Variants in SORCS1 observed in about 807,000 individuals in gnomAD.
SORCS1 encodes the protein VPS10 domain-containing receptor SorCS1.
In SORCS1, 60 loss-of-function variants were observed where a neutral mutation model predicts 146.1. The observed-to-expected ratio is 0.41, with a 90% CI of 0.33 to 0.51. SORCS1 has a LOEUF of 0.51. Among genes scored for constraint, SORCS1 ranks in the 20% least tolerant of loss-of-function variants. The pLI, the probability that SORCS1 is intolerant of heterozygous loss-of-function variation, is 0.21. For missense variants in SORCS1, 1,352 were observed against 1,487.6 expected (o/e 0.91, Z 1.50); for synonymous variants, 637 against 584.0 (o/e 1.09, Z -1.31).
intron 1 of SORCS1, among the ~76,000 whole-genome samples, chr10:107,122,965 G>T (rs1032525089): frequency 6.6e-6 from 1 of 151,784 alleles, no homozygotes; most frequent in Non-Finnish European, 1.5e-5. Flanking sequence ...TCCCAGGGAG[G>T]CTTTCTTTCA....
At position 106,788,544 on chromosome 10, in the gene SORCS1, C is replaced by T. The variant is rs140514615; in HGVS notation, c.727-11852G>A. 1.1e-4 allele frequency among the ~76,000 whole-genome samples: 17 copies of T among 152,312 alleles called. No homozygotes were observed. In the East Asian group the frequency reaches 3.1e-3, roughly 28 times the overall value. On this transcript the variant is annotated intron_variant, in intron 3 of 25. Coordinates refer to ENST00000263054, the MANE Select transcript of SORCS1 (RefSeq NM_052918.5). ...GGAGAAATTGGCCAAAACAAAGGGG[C>T]TACAGGTCCCACACAAGTCTGAAAT...
At chr10:106,996,795 C>T (rs866253644) in intron 1 of SORCS1, among the ~76,000 whole-genome samples, 3 of 152,086 alleles carry the variant, frequency 2.0e-5, no homozygotes, top group Admixed American at 2.0e-4. Context: ...ATGAGACAGC[C>T]CAATTTGTAA....
chr10:106,872,443 A>C (rs957763450), intron 2 of SORCS1, among the ~76,000 whole-genome samples: 1 of 152,222 alleles, frequency 6.6e-6, no homozygotes, highest in Non-Finnish European at 1.5e-5. Flanking sequence ...CCTAAACCAC[A>C]ATAAGCCTTG....
At chr10:107,124,634 A>C (rs1282213445) in intron 1 of SORCS1, among the ~76,000 whole-genome samples, 3 of 152,260 alleles carry the variant, frequency 2.0e-5, no homozygotes, top group Middle Eastern at 6.8e-3. Context: ...GTGGGGCAGC[A>C]CAAAAAAAGA....
chr10:106,675,191 C>T (rs369521512), intron 13 of SORCS1, 35 bp from the exon 14 acceptor site: 55 of 1,459,102 alleles, frequency 3.8e-5, no homozygotes, highest in Non-Finnish European at 5.0e-5. Flanking sequence ...ATCAGATCTC[C>T]AAAGGAAAAA....
intron 5 of SORCS1, among the ~76,000 whole-genome samples, chr10:106,746,982 A>C (rs939744582): frequency 6.6e-6 from 1 of 152,220 alleles, no homozygotes; most frequent in East Asian, 1.9e-4. Context: ...ATATTCTAAC[A>C]GGTTTCATCC....
intron 2 of SORCS1, among the ~76,000 whole-genome samples, chr10:106,906,686 T>C (rs1410438457): frequency 6.6e-6 from 1 of 152,294 alleles, no homozygotes; most frequent in African/African-American, 2.4e-5. Context: ...ACAATTCCAG[T>C]TGGGATCTGG....
chr10:106,684,714 G>GA (rs1171449694), intron 10 of SORCS1, among the ~76,000 whole-genome samples: 1 of 152,166 alleles, frequency 6.6e-6, no homozygotes, highest in Non-Finnish European at 1.5e-5. Flanking sequence ...CAGCCCTGCT[G>GA]AAAAAATCTC....
intron 1 of SORCS1, among the ~76,000 whole-genome samples, chr10:107,035,452 A>G (rs796228364): frequency 3.3e-5 from 5 of 152,264 alleles, no homozygotes; most frequent in African/African-American, 1.2e-4. Flanking sequence ...CCATTCAAGC[A>G]ACGCCATACC....
At chr10:106,816,303 G>T (rs1222022361) in intron 3 of SORCS1, among the ~76,000 whole-genome samples, 1 of 152,174 alleles carries the variant, frequency 6.6e-6, no homozygotes, top group East Asian at 1.9e-4. Flanking sequence ...AGACAAACTA[G>T]TTCTGGCTCC....
intron 5 of SORCS1, among the ~76,000 whole-genome samples, chr10:106,760,694 AACACACACACACACTAAC>A (rs1859028783): frequency 7.4e-6 from 1 of 134,610 alleles, no homozygotes; most frequent in Admixed American, 7.3e-5. Context: ...CATACACACA[AACACACACACACACTAAC>A]ACACACACAC....
At position 106,619,169 on chromosome 10, in the gene SORCS1, A is replaced by G. The variant is rs146201521; in HGVS notation, c.2797-897T>C. The stretch of plus-strand genomic sequence containing the variant: ...AAAAATAAAAAACAATAGGGGGTAC[A>G]AAAGGAAGTTGTTCAGTACATTCAC... On this transcript the variant is annotated intron_variant, in intron 20 of 25. Coordinates refer to ENST00000263054, the MANE Select transcript of SORCS1 (RefSeq NM_052918.5). Among the ~76,000 whole-genome samples, 283 of 152,346 alleles carry G rather than the reference A, an allele frequency of 1.9e-3. 2 individuals carry two copies. The highest frequency in any genetic ancestry group is 3.4e-3 in the Middle Eastern group (1 of 294).
chr10:106,594,303 A>G (rs1845781576), intron 24 of SORCS1, among the ~76,000 whole-genome samples: 2 of 152,296 alleles, frequency 1.3e-5, no homozygotes, highest in South Asian at 4.2e-4. Context: ...CGGTTAACAT[A>G]TCAATCTTTT....
intron 24 of SORCS1, among the ~76,000 whole-genome samples, chr10:106,591,849 C>T (rs898562917): frequency 2.6e-5 from 4 of 152,068 alleles, no homozygotes; most frequent in African/African-American, 9.7e-5. Flanking sequence ...CCTTAAAGTA[C>T]AGGTGGACAA....
rs531426797 is a variant in SORCS1 at position 106,839,870 on chromosome 10, T to C, written c.627-10197A>G. On this transcript the variant is annotated intron_variant, in intron 2 of 25. Transcript: ENST00000263054. ...GTGCTCTATACATGCAGCAATGAAG[T>C]CTGAATGATAGCACATCTGTTTACA... 5.3e-5 allele frequency among the ~76,000 whole-genome samples: 8 copies of C among 152,332 alleles called. No individual in the cohort carries two copies. In the South Asian group the frequency reaches 1.4e-3, roughly 28 times the overall value.
chr10:106,992,826 C>CTTTTTT (rs36052970), intron 1 of SORCS1, among the ~76,000 whole-genome samples: 15 of 57,070 alleles, frequency 2.6e-4, no homozygotes, highest in African/African-American at 7.9e-4. Flanking sequence ...TTCTTTCTTT[C>CTTTTTT]TTTTTTTTTT....
chr10:107,109,368 A>C (rs11193202), intron 1 of SORCS1, among the ~76,000 whole-genome samples: 20,463 of 152,176 alleles, frequency 0.13, 1,609 homozygotes, highest in East Asian at 0.36. Context: ...AGCCTCCTTT[A>C]CTCATACACT....
At chr10:107,068,255 C>G (rs1962081161) in intron 1 of SORCS1, among the ~76,000 whole-genome samples, 1 of 152,140 alleles carries the variant, frequency 6.6e-6, no homozygotes, top group Non-Finnish European at 1.5e-5. Context: ...CTTGAAAGAT[C>G]TGTCAATGAC....
intron 2 of SORCS1, among the ~76,000 whole-genome samples, chr10:106,835,902 G>A (rs1469641281): frequency 6.6e-6 from 1 of 152,090 alleles, no homozygotes; most frequent in African/African-American, 2.4e-5. Context: ...CTACTCAGGA[G>A]GCTGAGGCAG....
Sources: allele counts gnomAD v4.1 joint callset (sites outside exome capture counted in the v4.1 genomes callset), GRCh38; gene constraint gnomAD v4.1.1; transcripts MANE v1.5; gene names NCBI Gene and HGNC (gene_info 2026-07-23, HGNC 2026-07-21).